Variants in FAM184A observed in about 807,000 individuals in gnomAD.
FAM184A encodes family with sequence similarity 184 member A, also known as protein FAM184A.
A neutral mutation model predicts 143.8 loss-of-function variants in FAM184A; 99 were observed. The observed-to-expected ratio is 0.69, with a 90% CI of 0.58 to 0.81. FAM184A has a LOEUF of 0.81. Ranked by LOEUF, FAM184A falls within the 40% of genes least tolerant of loss-of-function variation. The pLI is 0.00. For synonymous variants in FAM184A, 427 were observed against 446.4 expected, an observed-to-expected ratio of 0.96 and a Z score of 0.55; for missense variants, 1,217 against 1,310.5, an observed-to-expected ratio of 0.93 and a Z score of 1.10.
At chr6:119,109,385 C>T (rs2114845806) in intron 1 of FAM184A, among the ~76,000 whole-genome samples, 1 of 152,334 alleles carries the variant, frequency 6.6e-6, no homozygotes. Flanking sequence ...CAGTCACTCT[C>T]CTGTTTGGTT....
At chr6:119,043,476 T>C (rs1404611668) in intron 1 of FAM184A, among the ~76,000 whole-genome samples, 1 of 152,174 alleles carries the variant, frequency 6.6e-6, no homozygotes, top group Non-Finnish European at 1.5e-5. Context: ...CAAGAAAAAC[T>C]GTTTACTGGG....
At chr6:119,073,469 C>T (rs1305909365) in intron 1 of FAM184A, among the ~76,000 whole-genome samples, 1 of 152,182 alleles carries the variant, frequency 6.6e-6, no homozygotes, top group Non-Finnish European at 1.5e-5. Context: ...TCCAAAGCAG[C>T]TGCCAGAACA....
At chr6:119,010,236 G>C (rs1199178042) in intron 6 of FAM184A, among the ~76,000 whole-genome samples, 4 of 152,278 alleles carry the variant, frequency 2.6e-5, no homozygotes, top group African/African-American at 7.2e-5. Flanking sequence ...ATCTGCTTAG[G>C]TTAAATACAC....
rs1305807987 is a variant in FAM184A at position 119,078,145 on chromosome 6, G to A, written c.155C>T (p.Thr52Ile). 6.3e-7 allele frequency: 1 copy of A among 1,588,290 alleles called. No individual in the cohort carries two copies. Among genetic ancestry groups the A allele is most frequent in the Non-Finnish European group, 8.6e-7 (1 of 1,169,390 alleles). Residue 52 changes from threonine to isoleucine, a missense_variant, in exon 1 of 18, where the codon ACC (threonine) becomes ATC (isoleucine). By Grantham distance (89) the Thr-to-Ile change is moderately conservative. Coordinates refer to ENST00000338891, the MANE Select transcript of FAM184A (RefSeq NM_024581.6). This position sits in a 1 kb window ranked among gnomAD's most constrained non-coding sequence, Gnocchi z 5.5. The stretch of plus-strand genomic sequence containing the variant: ...CCCCGTCGCTGCCCCCCTTACCTTG[G>A]TGAGCTGGGCGATTTTCTTGCTCAT... The part of the protein sequence containing the change: ...LKMSKKIAQL[T>I]KVIYALNTKN...
chr6:119,138,203 G>A (rs910818843), intron 1 of FAM184A, among the ~76,000 whole-genome samples: 1 of 152,204 alleles, frequency 6.6e-6, no homozygotes, highest in Non-Finnish European at 1.5e-5. Flanking sequence ...AGATATGTGA[G>A]CTACCCAAAT....
intron 1 of FAM184A, among the ~76,000 whole-genome samples, chr6:119,140,734 G>A (rs1772206896): frequency 6.6e-6 from 1 of 152,150 alleles, no homozygotes; most frequent in Non-Finnish European, 1.5e-5. Flanking sequence ...CACACTCCAA[G>A]CAGGAAAACC....
intron 1 of FAM184A, among the ~76,000 whole-genome samples, chr6:119,076,266 T>C (rs1215569089): frequency 6.6e-6 from 1 of 152,068 alleles, no homozygotes; most frequent in East Asian, 1.9e-4. Context: ...GTATGAAGGA[T>C]TAAATATCTT....
chr6:118,999,747 A>G (rs950572797), intron 9 of FAM184A, among the ~76,000 whole-genome samples: 1 of 152,184 alleles, frequency 6.6e-6, no homozygotes, highest in Non-Finnish European at 1.5e-5. Flanking sequence ...ATTTGCTGAT[A>G]TCTGTGATAT....
intron 9 of FAM184A, among the ~76,000 whole-genome samples, chr6:118,986,322 C>T (rs541718918): frequency 6.6e-6 from 1 of 152,218 alleles, no homozygotes; most frequent in African/African-American, 2.4e-5. Context: ...TGGAATATGT[C>T]CCCAATCATC....
At chr6:119,026,918 G>A (rs984531540) in intron 1 of FAM184A, among the ~76,000 whole-genome samples, 3 of 151,908 alleles carry the variant, frequency 2.0e-5, no homozygotes, top group Admixed American at 6.6e-5. Flanking sequence ...TCCCATACTC[G>A]GTCTTCTCCA....
intron 6 of FAM184A, 78 bp from the exon 7 acceptor site, chr6:119,006,686 T>C: frequency 8.4e-7 from 1 of 1,191,914 alleles, no homozygotes. Context: ...CTTCCTAAAG[T>C]TTTTTATTTA....
At chr6:119,065,948 G>A (rs1787438196) in intron 1 of FAM184A, among the ~76,000 whole-genome samples, 1 of 152,184 alleles carries the variant, frequency 6.6e-6, no homozygotes, top group Non-Finnish European at 1.5e-5. Context: ...AGAATCAGGA[G>A]AAAGTTCTTT....
At chr6:118,988,783 A>G (rs574644278) in intron 9 of FAM184A, among the ~76,000 whole-genome samples, 2 of 152,298 alleles carry the variant, frequency 1.3e-5, no homozygotes, top group African/African-American at 4.8e-5. Flanking sequence ...TTGATACACC[A>G]TTGGAAAAAC....
rs1353458956 is a variant in FAM184A, at chr6:118,998,013, C to CTAGTATGAAAAA, written c.2088+4885_2088+4886insTTTTTCATACTA. Among the ~76,000 whole-genome samples, 4 of 152,104 alleles carry CTAGTATGAAAAA rather than the reference C, an allele frequency of 2.6e-5. No homozygotes were observed. In the East Asian group the frequency reaches 7.7e-4, roughly 29 times the overall value. On this transcript the variant is annotated intron_variant, in intron 9 of 17. Transcript: ENST00000338891. ...GCTGTTTCTTAGTCTAGTCATTGCCCTTTCCTACTGAGTATGAAAAATTCT... is the reference window on the plus strand; with the variant it reads ...GCTGTTTCTTAGTCTAGTCATTGCCCTAGTATGAAAAATTTCCTACTGAGTATGAAAAATTCT...
intron 1 of FAM184A, among the ~76,000 whole-genome samples, chr6:119,103,970 T>C (rs1445006551): frequency 6.6e-6 from 1 of 151,658 alleles, no homozygotes; most frequent in Non-Finnish European, 1.5e-5. Context: ...CATTCTTTAC[T>C]CTGGTAATAA....
intron 1 of FAM184A, among the ~76,000 whole-genome samples, chr6:119,125,555 T>G (rs566325349): frequency 6.6e-6 from 1 of 152,202 alleles, no homozygotes; most frequent in Admixed American, 6.5e-5. Context: ...TATTTCCTTA[T>G]TTTAAAGCTC....
chr6:119,069,888 T>G (rs1313972879), intron 1 of FAM184A, among the ~76,000 whole-genome samples: 1 of 152,178 alleles, frequency 6.6e-6, no homozygotes, highest in Admixed American at 6.5e-5. Context: ...ATTATCAATT[T>G]TATTGATAAT....
chr6:119,000,227 A>C (rs958258652), intron 9 of FAM184A, among the ~76,000 whole-genome samples: 1 of 152,242 alleles, frequency 6.6e-6, no homozygotes, highest in African/African-American at 2.4e-5. Context: ...GGCATTTTAA[A>C]ATCACAAATA....
rs188755585 is a variant in FAM184A, at chr6:119,003,049, T to G, written c.1938A>C (p.Arg646Ser). ...DLEIKWTENL[R>S]QECSKLREEL... ...CTTCACGAAGTTTAGAACACTCTTG[T>G]CTAAAATAAAACAACTGCATTTACT... is the stretch of plus-strand genomic sequence containing the variant. Residue 646 changes from arginine to serine, a missense_variant and splice_region_variant, in exon 9 of 18, where the codon AGA (arginine) becomes AGC (serine). Arg to Ser is a moderately radical substitution (Grantham distance 110). Transcript: ENST00000338891. 1 of 1,594,852 alleles carries G rather than the reference T, an allele frequency of 6.3e-7. No individual in the cohort carries two copies. The highest frequency in any genetic ancestry group is 1.4e-5 in the African/African-American group (1 of 73,852).
Sources: allele counts gnomAD v4.1 joint callset (sites outside exome capture counted in the v4.1 genomes callset), GRCh38; gene constraint gnomAD v4.1.1; non-coding constraint Gnocchi (gnomAD v3.1); transcripts MANE v1.5; gene names NCBI Gene and HGNC (gene_info 2026-07-23, HGNC 2026-07-21).